PRAMEF2: variants seen among roughly 807,000 people sequenced by gnomAD.
The protein encoded by PRAMEF2 is PRAME family member 2.
A neutral mutation model predicts 38.0 loss-of-function variants in PRAMEF2; 35 were observed. The observed-to-expected ratio is 0.92, with a 90% CI of 0.70 to 1.22. The LOEUF is 1.22. Among genes scored for constraint, PRAMEF2 ranks in the 50% most tolerant of loss-of-function variants. The probability of loss-of-function intolerance (pLI) is 0.00; values close to 1 mark genes in which losing one functional copy is unlikely to be tolerated. For missense variants in PRAMEF2, 562 were observed against 553.9 expected, an observed-to-expected ratio of 1.01 and a Z score of -0.15; for synonymous variants, 240 against 232.4, an observed-to-expected ratio of 1.03 and a Z score of -0.30.
At chr1:12,857,494 G>T (rs528003240) in intron 1 of PRAMEF2, among the ~76,000 whole-genome samples, 1 of 143,406 alleles carries the variant, frequency 7.0e-6, no homozygotes, top group South Asian at 2.2e-4. Flanking sequence ...CTCCAAGTAT[G>T]CTTTCATTTT....
rs773790580 is a variant in PRAMEF2 at position 12,859,259 on chromosome 1, G to A, written c.250G>A (p.Gly84Arg). The A allele has an allele frequency of 1.7e-5, 27 of 1,610,342 alleles. 1 individual carries two copies. The highest frequency in any genetic ancestry group is 2.2e-5 in the Non-Finnish European group (26 of 1,178,798). The change falls in exon 2 of 4, where the codon GGG becomes AGG. Residue 84 changes from glycine to arginine, a missense_variant. Gly to Arg is a moderately radical substitution (Grantham distance 125, BLOSUM62 -2). This residue lies in a region of PRAMEF2 where 486 missense variants were observed against 444.2 expected (regional missense o/e 1.09). Coordinates refer to ENST00000240189, the MANE Select transcript of PRAMEF2 (RefSeq NM_023014.1). ...GGAGCCATTGAAAGCATTGCTGGAA[G>A]GGCTTCATATGCTGCTTACACAGAA... ...HLEPLKALLEGLHMLLTQKDR... is the reference protein window; with the variant it reads ...HLEPLKALLERLHMLLTQKDR...
chr1:12,858,786 C>T (rs1341995984), intron 1 of PRAMEF2, among the ~76,000 whole-genome samples, 199 bp from the exon 2 acceptor site: 14 of 149,392 alleles, frequency 9.4e-5, no homozygotes, highest in South Asian at 2.2e-4. Flanking sequence ...TTGACCCCTC[C>T]CTCCTTGGTG....
rs1569852327 is a variant in PRAMEF2, at chr1:12,861,856, T to G, written c.*77T>G. 1.3e-6 allele frequency: 2 copies of G among 1,525,296 alleles called. 1 individual carries two copies. The highest frequency in any genetic ancestry group is 4.6e-5 in the Admixed American group (2 of 43,562). The allele number at this position is 1,525,296 out of a possible 1,614,324, so 94.5% of individuals were successfully genotyped here. On this transcript the variant is annotated 3_prime_UTR_variant, in exon 4 of 4. Transcript: ENST00000240189. ...TGGACACTAAAATCTACTATGTAGG[T>G]GCAAACTATTTTTCTCTTTTCTTAT...
At position 12,860,139 on chromosome 1, in the gene PRAMEF2, A is replaced by C. The variant is rs115914708; in HGVS notation, c.734A>C (p.Tyr245Ser). Residue 245 changes from tyrosine (Y) to serine (S), a missense_variant, in exon 3 of 4, where the codon TAC (tyrosine) becomes TCC (serine). Physicochemically the swap from Tyr to Ser is moderately radical, Grantham distance 144. Coordinates refer to ENST00000240189, the MANE Select transcript of PRAMEF2 (RefSeq NM_023014.1). ...CTCGTTTTCTCCAGGTGCCATCATT[A>C]CACGTCAGATAATGAACTCGAGGGA... is the stretch of plus-strand genomic sequence containing the variant. ...CKLVFSRCHH[Y>S]TSDNELEGWL... The C allele has an allele frequency of 5.2e-5, 84 of 1,606,802 alleles. 5 individuals are homozygous for C. The East Asian group carries it at 1.6e-3, about 31-fold the overall frequency.
chr1:12,859,832 G>A lies in PRAMEF2; in HGVS notation c.427G>A (p.Glu143Lys), dbSNP rs775048421. ...AGCAGAGGACTGTCCAAGGACGGGA[G>A]AGCACCAGCCCTTAAAGGTGTTCAT... ...QTAEDCPRTG[E>K]HQPLKVFIDI... Residue 143 changes from glutamate to lysine, a missense_variant, in exon 3 of 4, where the codon GAG becomes AAG. Transcript: ENST00000240189. 3 of 1,607,532 alleles carry A rather than the reference G, an allele frequency of 1.9e-6. No homozygotes were observed. The highest frequency in any genetic ancestry group is 2.5e-6 in the Non-Finnish European group (3 of 1,177,814).
In PRAMEF2 at chr1:12,860,268, T is replaced by G; in HGVS notation, c.863T>G (p.Ile288Ser). Residue 288 changes from isoleucine to serine, a missense_variant, in exon 3 of 4, where the codon ATC (isoleucine) becomes AGC (serine). By Grantham distance (142) the Ile-to-Ser change is moderately radical. Coordinates refer to ENST00000240189, the MANE Select transcript of PRAMEF2 (RefSeq NM_023014.1). ...TTCAGTGGGCACCTGGAACAGCTGA[T>G]CAGGTGAGAAAGGATTGTGCACTTT... Reference protein sequence around the residue: ...TFFSGHLEQLIRCLQNPLENL... With the variant: ...TFFSGHLEQLSRCLQNPLENL... 9 of 1,606,850 alleles carry G rather than the reference T, an allele frequency of 5.6e-6. No homozygotes were observed. The highest frequency in any genetic ancestry group is 7.6e-6 in the Non-Finnish European group (9 of 1,176,606).
In PRAMEF2 at chr1:12,859,146, G is replaced by T. The variant is rs1402607815; in HGVS notation, c.137G>T (p.Arg46Met). The T allele has an allele frequency of 6.2e-7, 1 of 1,607,668 alleles. No individual in the cohort carries two copies. Among genetic ancestry groups the T allele is most frequent in the Admixed American group, 1.7e-5 (1 of 58,180 alleles). Residue 46 changes from arginine (R) to methionine (M), a missense_variant, in exon 2 of 4, where the codon AGG becomes ATG. This residue lies in a region of PRAMEF2 where 486 missense variants were observed against 444.2 expected (regional missense o/e 1.09). Coordinates refer to ENST00000240189, the MANE Select transcript of PRAMEF2 (RefSeq NM_023014.1). ...YLPLFREAFSRRHFQTLTVMV... is the reference protein window; with the variant it reads ...YLPLFREAFSMRHFQTLTVMV... ...CCACTCTTCAGGGAGGCCTTCAGCA[G>T]GAGACACTTCCAGACTCTGACGGTG...
chr1:12,861,125 G>C (rs1471338448), intron 3 of PRAMEF2, 96 bp from the exon 4 acceptor site: 11 of 1,377,554 alleles, frequency 8.0e-6, no homozygotes, highest in Non-Finnish European at 1.0e-5. Flanking sequence ...GAACAAACTT[G>C]TGTTTGGTTG....
At chr1:12,858,856 G>T in intron 1 of PRAMEF2, 129 bp from the exon 2 acceptor site, 1 of 1,086,358 alleles carries the variant, frequency 9.2e-7, no homozygotes. Context: ...AGGCCAACAA[G>T]CACAGTGGAA....
At position 12,858,466 on chromosome 1, in the gene PRAMEF2, G is replaced by A. The variant is rs534313320; in HGVS notation, c.-25-519G>A. On this transcript the variant is annotated intron_variant, in intron 1 of 3. Coordinates refer to ENST00000240189, the MANE Select transcript of PRAMEF2 (RefSeq NM_023014.1). ...GATCTGCCTGCCTTGGTGTCCAGCA[G>A]TGTTGGGATTACAGACATGAGCCAC... is the stretch of plus-strand genomic sequence containing the variant. Among the ~76,000 whole-genome samples, 86 of 150,132 alleles carry A rather than the reference G, an allele frequency of 5.7e-4. 5 individuals are homozygous for A. The highest frequency in any genetic ancestry group is 1.1e-3 in the Non-Finnish European group (75 of 67,576).
At position 12,859,289 on chromosome 1, in the gene PRAMEF2, C is replaced by T. The variant is rs553285373; in HGVS notation, c.280C>T (p.Arg94Cys). Residue 94 changes from arginine to cysteine, a missense_variant, in exon 2 of 4, where the codon CGC becomes TGC. Arg to Cys is a radical substitution (Grantham distance 180, BLOSUM62 -3). This residue lies in a region of PRAMEF2 where 486 missense variants were observed against 444.2 expected (regional missense o/e 1.09). Transcript: ENST00000240189. ...GLHMLLTQKDRPRRWKLQVLD... is the reference protein window; with the variant it reads ...GLHMLLTQKDCPRRWKLQVLD... ...TCATATGCTGCTTACACAGAAGGATCGCCCCAGGTGAGGTGACCCAGGAGG... is the reference window on the plus strand; with the variant it reads ...TCATATGCTGCTTACACAGAAGGATTGCCCCAGGTGAGGTGACCCAGGAGG... 1.1e-5 allele frequency: 18 copies of T among 1,609,712 alleles called. No individual in the cohort carries two copies. Among genetic ancestry groups the T allele is most frequent in the East Asian group, 4.5e-5 (2 of 44,838 alleles).
chr1:12,861,896 A>C lies in PRAMEF2; in HGVS notation c.*117A>C. 7.3e-7 allele frequency: 1 copy of C among 1,379,076 alleles called. No individual in the cohort carries two copies. The highest frequency in any genetic ancestry group is 9.6e-7 in the Non-Finnish European group (1 of 1,039,188). The allele number at this position is 1,379,076 out of a possible 1,614,324, so 85.4% of individuals were successfully genotyped here. ...TCTTTTCTTATTTATTTCATTTTTT[A>C]ATAATTCCAAAATTTTTATTAAAGA... On this transcript the variant is annotated 3_prime_UTR_variant, in exon 4 of 4. Coordinates refer to ENST00000240189, the MANE Select transcript of PRAMEF2 (RefSeq NM_023014.1).
At position 12,861,472 on chromosome 1, in the gene PRAMEF2, T is replaced by G; in HGVS notation, c.1118T>G (p.Leu373Arg). ...YSQLSAILPGLSCCSQLTTFY... is the reference protein window; with the variant it reads ...YSQLSAILPGRSCCSQLTTFY... ...CAACTCAGTGCCATCCTGCCTGGCC[T>G]GAGCTGCTGCTCCCAGCTCACCACC... is the stretch of plus-strand genomic sequence containing the variant. Residue 373 changes from leucine (L) to arginine (R), a missense_variant, in exon 4 of 4, where the codon CTG becomes CGG. Physicochemically the swap from Leu to Arg is moderately radical, Grantham distance 102 (BLOSUM62 -2). Around this residue, in one of 2 missense-constraint regions of PRAMEF2, gnomAD observed 486 missense variants for 444.2 expected, o/e 1.09. Coordinates refer to ENST00000240189, the MANE Select transcript of PRAMEF2 (RefSeq NM_023014.1). 6.2e-7 allele frequency: 1 copy of G among 1,605,942 alleles called. No homozygotes were observed. The highest frequency in any genetic ancestry group is 8.5e-7 in the Non-Finnish European group (1 of 1,177,366).
rs767663392 is a variant in PRAMEF2, at chr1:12,861,443, C to T, written c.1089C>T (p.Tyr363=). The stretch of plus-strand genomic sequence containing the variant: ...TGTTAGAGGGCTGTCAGATCCACTA[C>T]TCCCAACTCAGTGCCATCCTGCCTG... The part of the protein sequence containing the change: ...TLVLEGCQIH[Y]SQLSAILPGL... The change falls in exon 4 of 4, where the codon TAC becomes TAT. Residue 363 remains tyrosine, a synonymous_variant. Transcript: ENST00000240189. The T allele has an allele frequency of 2.6e-5, 42 of 1,604,292 alleles. 1 individual carries two copies. Among genetic ancestry groups the T allele is most frequent in the Non-Finnish European group, 3.4e-5 (40 of 1,176,288 alleles).
chr1:12,859,267 T>C lies in PRAMEF2; in HGVS notation c.258T>C (p.His86=), dbSNP rs1459833735. Residue 86 remains histidine, a synonymous_variant, in exon 2 of 4, where the codon CAT becomes CAC. Transcript: ENST00000240189. ...EPLKALLEGL[H]MLLTQKDRPR... ...TGAAAGCATTGCTGGAAGGGCTTCA[T>C]ATGCTGCTTACACAGAAGGATCGCC... 4.3e-6 allele frequency: 7 copies of C among 1,610,264 alleles called. No individual in the cohort carries two copies. Among genetic ancestry groups the C allele is most frequent in the East Asian group, 4.5e-5 (2 of 44,838 alleles).
chr1:12,859,686 C>T lies in PRAMEF2; in HGVS notation c.288-7C>T. The stretch of plus-strand genomic sequence containing the variant: ...AATTCTGAGCCTCTCCCTTACTTTA[C>T]CCACAGGAGGTGGAAACTTCAAGTG... On this transcript the variant is annotated splice_polypyrimidine_tract_variant and splice_region_variant and intron_variant, in intron 2 of 3. Coordinates refer to ENST00000240189, the MANE Select transcript of PRAMEF2 (RefSeq NM_023014.1). The T allele has an allele frequency of 1.2e-6, 2 of 1,606,216 alleles. No individual in the cohort carries two copies. The highest frequency in any genetic ancestry group is 1.1e-5 in the South Asian group (1 of 90,800).
Position 12,859,298 on chromosome 1 carries a change from T to A in PRAMEF2, c.287+2T>A. The A allele has an allele frequency of 6.2e-7, 1 of 1,609,094 alleles. No individual in the cohort carries two copies. Among genetic ancestry groups the A allele is most frequent in the Non-Finnish European group, 8.5e-7 (1 of 1,178,384 alleles). ...GCTTACACAGAAGGATCGCCCCAGG[T>A]GAGGTGACCCAGGAGGGCTAGTAGA... On this transcript the variant is annotated splice_donor_variant, in intron 2 of 3. Transcript: ENST00000240189. LOFTEE classifies it high-confidence loss of function.
At chr1:12,860,513 C>T (rs2100391926) in intron 3 of PRAMEF2, among the ~76,000 whole-genome samples, 1 of 144,600 alleles carries the variant, frequency 6.9e-6, no homozygotes, top group East Asian at 2.0e-4. Context: ...CATGTACAAG[C>T]TAGTCAGTGG....
chr1:12,861,537 A>G lies in PRAMEF2; in HGVS notation c.1183A>G (p.Lys395Glu). ...GSNCMSIDAL[K>E]DLLRHTSGLS... is the part of the protein sequence containing the mutation. ...CAATTGCATGTCTATTGACGCCCTGAAGGACCTGCTGCGCCACACCAGTGG... is the reference window on the plus strand; with the variant it reads ...CAATTGCATGTCTATTGACGCCCTGGAGGACCTGCTGCGCCACACCAGTGG... Residue 395 changes from lysine to glutamate, a missense_variant, in exon 4 of 4, where the codon AAG (lysine) becomes GAG (glutamate). Lys to Glu is a moderately conservative substitution (Grantham distance 56). Transcript: ENST00000240189. 2 of 1,605,430 alleles carry G rather than the reference A, an allele frequency of 1.2e-6. No individual in the cohort carries two copies. The highest frequency in any genetic ancestry group is 1.7e-6 in the Non-Finnish European group (2 of 1,176,874).
Sources: gnomAD v4.1 joint callset for allele counts (sites outside exome capture counted in the v4.1 genomes callset) on GRCh38, gnomAD v4.1.1 for gene constraint, gnomAD v4.1.1 regional missense constraint, MANE v1.5 for transcripts, NCBI Gene and HGNC (gene_info 2026-07-23, HGNC 2026-07-21) for gene names.